The following POU6F2 variants were observed in gnomAD, a reference collection of about 807,000 sequenced individuals.
POU6F2 encodes the protein POU class 6 homeobox 2.
Under a neutral mutation model 71.3 loss-of-function variants are expected in POU6F2, and 31 were observed. That is an observed-to-expected ratio of 0.43 (90% CI 0.33 to 0.59). The LOEUF (loss-of-function observed/expected upper bound fraction) is 0.59. Among genes scored for constraint, POU6F2 ranks in the 20% least tolerant of loss-of-function variants. The pLI is 0.04. For synonymous variants in POU6F2, 347 were observed against 355.7 expected (o/e 0.98, Z 0.27); for missense variants, 783 against 856.8 (o/e 0.91, Z 1.07).
At chr7:39,081,884 G>T (rs753541661) in intron 1 of POU6F2, among the ~76,000 whole-genome samples, 1 of 152,192 alleles carries the variant, frequency 6.6e-6, no homozygotes, top group African/African-American at 2.4e-5. Context: ...GGTAAAAAAG[G>T]TGCTGACTTT....
At chr7:39,103,832 T>G (rs1791623163) in intron 2 of POU6F2, among the ~76,000 whole-genome samples, 1 of 152,158 alleles carries the variant, frequency 6.6e-6, no homozygotes. Context: ...GACATTTTTC[T>G]AAAACTGATA....
At chr7:39,230,602 A>C (rs1222451612) in intron 4 of POU6F2, among the ~76,000 whole-genome samples, 1 of 152,182 alleles carries the variant, frequency 6.6e-6, no homozygotes, top group African/African-American at 2.4e-5. Context: ...GAACAACCTC[A>C]TGCCTCTAAA....
At chr7:39,015,349 T>C (rs1410421660) in intron 1 of POU6F2, among the ~76,000 whole-genome samples, 1 of 133,202 alleles carries the variant, frequency 7.5e-6, no homozygotes, top group South Asian at 2.2e-4. Flanking sequence ...TATATAATAA[T>C]AGATATATAT....
chr7:39,274,166 G>A (rs914005946), intron 4 of POU6F2, among the ~76,000 whole-genome samples: 7 of 151,260 alleles, frequency 4.6e-5, no homozygotes, highest in Non-Finnish European at 8.9e-5. Context: ...GACTAATAAA[G>A]AAAAAAAGAG....
At chr7:39,040,825 A>G (rs925343269) in intron 1 of POU6F2, among the ~76,000 whole-genome samples, 1 of 151,886 alleles carries the variant, frequency 6.6e-6, no homozygotes, top group Admixed American at 6.6e-5. Context: ...TCCCACTATG[A>G]TTCTGTTCTA....
intron 2 of POU6F2, among the ~76,000 whole-genome samples, chr7:39,194,856 A>G (rs138697997): frequency 1.4e-3 from 220 of 152,172 alleles, no homozygotes; most frequent in African/African-American, 5.1e-3. Context: ...GCAATTCTGG[A>G]CGTGCCACCT....
chr7:39,103,259 G>A (rs1266128401), intron 2 of POU6F2, among the ~76,000 whole-genome samples: 3 of 152,208 alleles, frequency 2.0e-5, no homozygotes, highest in Non-Finnish European at 2.9e-5. Context: ...ACAGAAGCTA[G>A]AGGGATGAAT....
intron 2 of POU6F2, among the ~76,000 whole-genome samples, chr7:39,113,762 A>C (rs972264491): frequency 2.6e-5 from 4 of 152,200 alleles, no homozygotes; most frequent in Non-Finnish European, 5.9e-5. Flanking sequence ...TCTACCCTGG[A>C]CCAAAATAAT....
intron 1 of POU6F2, among the ~76,000 whole-genome samples, chr7:39,078,407 A>AT (rs1443091245): frequency 2.1e-4 from 32 of 152,216 alleles, no homozygotes; most frequent in Admixed American, 2.1e-3. Context: ...CAATACACAT[A>AT]TTTTGAATAT....
At chr7:39,044,311 A>G (rs1333654726) in intron 1 of POU6F2, among the ~76,000 whole-genome samples, 1 of 151,964 alleles carries the variant, frequency 6.6e-6, no homozygotes, top group African/African-American at 2.4e-5. Flanking sequence ...GATTTTCATG[A>G]TGCTTTAAGA....
chr7:39,006,896 C>A, intron 1 of POU6F2: 1 of 1,607,196 alleles, frequency 6.2e-7, no homozygotes, highest in South Asian at 1.1e-5. Context: ...AGAATGCCTA[C>A]CAATAGGAAA....
intron 1 of POU6F2, among the ~76,000 whole-genome samples, chr7:39,038,575 A>G (rs982701106): frequency 6.6e-6 from 1 of 151,982 alleles, no homozygotes; most frequent in Non-Finnish European, 1.5e-5. Context: ...TTGGGGAAAT[A>G]TCTCCTCATT....
intron 2 of POU6F2, among the ~76,000 whole-genome samples, chr7:39,090,973 A>C (rs1791353830): frequency 6.6e-6 from 1 of 152,072 alleles, no homozygotes; most frequent in Admixed American, 6.6e-5. Context: ...GCACATTTGG[A>C]TACAGTTCTT....
chr7:39,394,071 C>T (rs1787128036), intron 5 of POU6F2, among the ~76,000 whole-genome samples: 1 of 152,214 alleles, frequency 6.6e-6, no homozygotes, highest in Admixed American at 6.5e-5. Context: ...AGACTTCCAG[C>T]TATGCTGGGC....
chr7:39,312,523 C>G (rs1334307139), intron 4 of POU6F2, among the ~76,000 whole-genome samples: 1 of 152,212 alleles, frequency 6.6e-6, no homozygotes, highest in East Asian at 1.9e-4. Context: ...CCCCCTTTAT[C>G]TGTGGGGAAC....
At chr7:39,328,757 G>A (rs1003253398) in intron 4 of POU6F2, among the ~76,000 whole-genome samples, 1 of 152,134 alleles carries the variant, frequency 6.6e-6, no homozygotes, top group Non-Finnish European at 1.5e-5. Flanking sequence ...TATAAATACA[G>A]GACTTGACAT....
chr7:39,190,619 T>C (rs952230960), intron 2 of POU6F2, among the ~76,000 whole-genome samples: 2 of 148,264 alleles, frequency 1.3e-5, no homozygotes, highest in Admixed American at 6.8e-5. Flanking sequence ...CCCTTCTTGT[T>C]TGAGTCAACT....
intron 2 of POU6F2, among the ~76,000 whole-genome samples, chr7:39,086,794 C>G (rs1791254425): frequency 6.6e-6 from 1 of 152,154 alleles, no homozygotes; most frequent in South Asian, 2.1e-4. Flanking sequence ...ACTCATGCAA[C>G]TGTGATCTCT....
chr7:39,229,660 G>C (rs1227157465), intron 4 of POU6F2, among the ~76,000 whole-genome samples: 1 of 152,178 alleles, frequency 6.6e-6, no homozygotes, highest in African/African-American at 2.4e-5. Context: ...TGATGTTAAA[G>C]TTTTCTCAGT....
Sources: allele counts gnomAD v4.1 joint callset (sites outside exome capture counted in the v4.1 genomes callset), GRCh38; gene constraint gnomAD v4.1.1; transcripts MANE v1.5; gene names NCBI Gene and HGNC (gene_info 2026-07-23, HGNC 2026-07-21).